BEST3: variants seen among roughly 807,000 people sequenced by gnomAD.
BEST3 encodes bestrophin 3.
In BEST3, 50 loss-of-function variants were observed where a neutral mutation model predicts 47.1. The ratio of observed to expected loss-of-function variants is 1.06; its 90% confidence interval spans 0.85 to 1.34. The LOEUF is 1.34. Ranked by LOEUF, BEST3 falls within the 40% of genes most tolerant of loss-of-function variation. The pLI, the probability that BEST3 is intolerant of heterozygous loss-of-function variation, is 0.00. For missense variants in BEST3, 765 were observed against 817.0 expected, an observed-to-expected ratio of 0.94 and a Z score of 0.78; for synonymous variants, 282 against 298.8, an observed-to-expected ratio of 0.94 and a Z score of 0.58.
intron 5 of BEST3, among the ~76,000 whole-genome samples, chr12:69,677,985 G>T (rs1055472606): frequency 1.3e-5 from 2 of 152,098 alleles, no homozygotes; most frequent in African/African-American, 4.8e-5. Flanking sequence ...GTAGATCTTA[G>T]AAAAGAGATA....
chr12:69,694,047 C>A, intron 3 of BEST3, 140 bp from the exon 4 acceptor site: 1 of 696,882 alleles, frequency 1.4e-6, no homozygotes, highest in Non-Finnish European at 2.3e-6. Context: ...ATTTTGCCTT[C>A]CAGAAAAAAA....
chr12:69,694,508 T>G (rs548307557), intron 2 of BEST3, 44 bp from the exon 3 acceptor site: 22 of 1,024,176 alleles, frequency 2.1e-5, no homozygotes, highest in Middle Eastern at 4.5e-4. Context: ...ATATTATACT[T>G]CTGCACCTGC....
rs964067988 is a variant in BEST3 at position 69,670,485 on chromosome 12, C to T, written c.1100+943G>A. The stretch of plus-strand genomic sequence containing the variant: ...CTTTGGGTCTGGAAAGGTTTTCAGC[C>T]TCAGAGGCCCCTTTGGAAGAGAAGT... On this transcript the variant is annotated intron_variant, in intron 9 of 9. Transcript: ENST00000330891. The T allele has an allele frequency of 2.0e-5, 14 of 702,908 alleles. 1 individual carries two copies. The highest frequency in any genetic ancestry group is 3.1e-5 in the Non-Finnish European group (12 of 384,954). 43.5% of individuals were successfully genotyped at this position (702,908 alleles called of 1,614,324 possible).
chr12:69,664,892 C>G (rs929377717), intron 9 of BEST3, among the ~76,000 whole-genome samples: 17 of 152,052 alleles, frequency 1.1e-4, no homozygotes, highest in Admixed American at 1.0e-3. Context: ...ATTAATTATA[C>G]AATTATAAAG....
chr12:69,683,606 C>G (rs1476773703), intron 4 of BEST3: 1 of 152,204 alleles, frequency 6.6e-6, no homozygotes, highest in Non-Finnish European at 1.5e-5. Context: ...CCGGAAGCCC[C>G]CTCCCCACTT....
At chr12:69,650,641 C>T (rs1323819091), downstream of BEST3, among the ~76,000 whole-genome samples, 1 of 152,166 alleles carries the variant, frequency 6.6e-6, no homozygotes, top group Non-Finnish European at 1.5e-5. Flanking sequence ...TTAGATACCT[C>T]AAGAGGGTCT....
At chr12:69,686,489 T>C (rs1050532072) in intron 4 of BEST3, among the ~76,000 whole-genome samples, 2 of 152,014 alleles carry the variant, frequency 1.3e-5, no homozygotes, top group African/African-American at 4.8e-5. Context: ...AAAGAAAATA[T>C]GCTGGCTGGG....
chr12:69,683,492 A>G lies in BEST3; in HGVS notation c.482-4599T>C, dbSNP rs189387595. The G allele has an allele frequency of 9.2e-5, 14 of 152,322 alleles. No homozygotes were observed. The East Asian group carries it at 1.5e-3, about 17-fold the overall frequency. 9.4% of individuals were successfully genotyped at this position (152,322 alleles called of 1,614,324 possible). A position where few individuals can be genotyped will look rare whatever the true frequency, so the allele number is the denominator to read the frequency against. Reference sequence around the variant, plus strand: ...ACATGCCTCCCATTCTATTAAAGTCATTGCTCCATTCACTGAGATAAATGC... The same window carrying G: ...ACATGCCTCCCATTCTATTAAAGTCGTTGCTCCATTCACTGAGATAAATGC... On this transcript the variant is annotated intron_variant, in intron 4 of 9. Coordinates refer to ENST00000330891, the MANE Select transcript of BEST3 (RefSeq NM_032735.3).
intron 4 of BEST3, chr12:69,689,018 C>T (rs1885800303): frequency 1.9e-5 from 16 of 827,012 alleles, no homozygotes; most frequent in Non-Finnish European, 2.3e-5. Context: ...GAAGGTCCCT[C>T]GTGCCCTTAA....
At chr12:69,650,911 A>G (rs548852004), downstream of BEST3, among the ~76,000 whole-genome samples, 12 of 152,316 alleles carry the variant, frequency 7.9e-5, no homozygotes, top group South Asian at 2.5e-3. Flanking sequence ...AGAAATGACT[A>G]GATTAATAAT....
chr12:69,694,851 TTAAG>T (rs773814933), intron 2 of BEST3, among the ~76,000 whole-genome samples: 8 of 152,316 alleles, frequency 5.3e-5, no homozygotes, highest in African/African-American at 1.2e-4. Flanking sequence ...ATTAGCATTA[TTAAG>T]TAATTGTTAA....
intron 7 of BEST3, among the ~76,000 whole-genome samples, chr12:69,673,416 T>C (rs1043633103): frequency 1.6e-4 from 25 of 152,282 alleles, no homozygotes; most frequent in African/African-American, 6.0e-4. Flanking sequence ...AAGAAAATAA[T>C]ATAAGAGGCT....
In BEST3 at chr12:69,665,958, T is replaced by C. The variant is rs79038440; in HGVS notation, c.1100+5470A>G. On this transcript the variant is annotated intron_variant, in intron 9 of 9. Coordinates refer to ENST00000330891, the MANE Select transcript of BEST3 (RefSeq NM_032735.3). ...AACAAGACTGGCCGTAACTTGATAATTGAAGTGGTGATGGGTACATGGAGC... is the reference window on the plus strand; with the variant it reads ...AACAAGACTGGCCGTAACTTGATAACTGAAGTGGTGATGGGTACATGGAGC... 2.7e-3 allele frequency among the ~76,000 whole-genome samples: 417 copies of C among 152,236 alleles called. 4 individuals carry two copies. The highest frequency in any genetic ancestry group is 9.7e-3 in the African/African-American group (405 of 41,552).
intron 9 of BEST3, among the ~76,000 whole-genome samples, chr12:69,659,738 T>A (rs1267706684): frequency 6.6e-6 from 1 of 152,088 alleles, no homozygotes; most frequent in Non-Finnish European, 1.5e-5. Context: ...ATGCTCCTTA[T>A]TTGATATTTA....
At position 69,695,633 on chromosome 12, in the gene BEST3, T is replaced by C. The variant is rs530328957; in HGVS notation, c.153-1169A>G. Among the ~76,000 whole-genome samples the C allele has an allele frequency of 6.0e-4, 92 of 152,296 alleles. 1 individual carries two copies. Among genetic ancestry groups the C allele is most frequent in the African/African-American group, 2.1e-3 (87 of 41,566 alleles). ...TAGACATGGTCAAAGAGGATTTAAATGTGGAAAGCATGGACCTTTTTTAAG... is the reference window on the plus strand; with the variant it reads ...TAGACATGGTCAAAGAGGATTTAAACGTGGAAAGCATGGACCTTTTTTAAG... On this transcript the variant is annotated intron_variant, in intron 2 of 9. Coordinates refer to ENST00000330891, the MANE Select transcript of BEST3 (RefSeq NM_032735.3).
Position 69,684,357 on chromosome 12 carries a change from G to A in BEST3, c.482-5464C>T, listed in dbSNP as rs543028794. 5.3e-5 allele frequency: 23 copies of A among 431,618 alleles called. No individual in the cohort carries two copies. In the East Asian group the frequency reaches 7.4e-4, roughly 14 times the overall value. 26.7% of individuals were successfully genotyped at this position (431,618 alleles called of 1,614,324 possible). ...AATTGAGTTGTGGTTTGATGGAGCA[G>A]GATCTGCTACTTTAAGACAAAATTT... On this transcript the variant is annotated intron_variant, in intron 4 of 9. Transcript: ENST00000330891.
intron 9 of BEST3, among the ~76,000 whole-genome samples, chr12:69,667,934 AG>A (rs1487427676): frequency 2.0e-5 from 3 of 152,232 alleles, no homozygotes; most frequent in African/African-American, 7.2e-5. Flanking sequence ...TGCTTAAGAT[AG>A]AAAGAAGGAA....
At chr12:69,684,333 A>G (rs2136009005) in intron 4 of BEST3, 1 of 416,282 alleles carries the variant, frequency 2.4e-6, no homozygotes, top group East Asian at 3.4e-5. Context: ...TTTACTCCCA[A>G]TTGAGTTGTG....
At chr12:69,652,840 C>T (rs1406111051), downstream of BEST3, among the ~76,000 whole-genome samples, 2 of 152,122 alleles carry the variant, frequency 1.3e-5, no homozygotes, top group Non-Finnish European at 2.9e-5. Context: ...CATTAAGAGC[C>T]TGGTGACTGG....
Sources: allele counts gnomAD v4.1 joint callset (sites outside exome capture counted in the v4.1 genomes callset), GRCh38; gene constraint gnomAD v4.1.1; transcripts MANE v1.5; gene names NCBI Gene and HGNC (gene_info 2026-07-23, HGNC 2026-07-21).